BLTP1: variants seen among roughly 807,000 people sequenced by gnomAD.
BLTP1 encodes bridge-like lipid transfer protein family member 1.
the BLTP1 span, chr4:122,238,350 G>T: frequency 3.7e-6 from 6 of 1,612,796 alleles, no homozygotes; most frequent in Non-Finnish European, 5.1e-6. Context: ...GGCCAAGCAA[G>T]GTCAGTATTC....
At chr4:122,304,778 C>T in the BLTP1 span, 1 of 1,606,556 alleles carries the variant, frequency 6.2e-7, no homozygotes, top group Admixed American at 1.7e-5. Context: ...TTTTTTTCCT[C>T]CTAACATATA....
At chr4:122,289,331 TC>T in the BLTP1 span, 26 of 800,882 alleles carry the variant, frequency 3.2e-5, no homozygotes, top group South Asian at 6.7e-4. Context: ...AACTGTGCAT[TC>T]CTTTTATGGC....
At chr4:122,277,390 A>G in the BLTP1 span, 7 of 929,032 alleles carry the variant, frequency 7.5e-6, no homozygotes, top group Non-Finnish European at 9.0e-6. Context: ...ACACTACTTC[A>G]TTATGGCTTC....
At chr4:122,276,435 ATAAT>A in the BLTP1 span, 3 of 975,604 alleles carry the variant, frequency 3.1e-6, no homozygotes, top group Non-Finnish European at 3.7e-6. Flanking sequence ...TCTCAGCCTT[ATAAT>A]TCTGTATTTA....
At chr4:122,285,245 A>C in the BLTP1 span, among the ~76,000 whole-genome samples, 1 of 152,172 alleles carries the variant, frequency 6.6e-6, no homozygotes, top group African/African-American at 2.4e-5. Context: ...ATTGAAATTG[A>C]AGGAAAGGGA....
At chr4:122,284,269 A>G in the BLTP1 span, among the ~76,000 whole-genome samples, 3 of 152,262 alleles carry the variant, frequency 2.0e-5, no homozygotes, top group East Asian at 5.8e-4. Flanking sequence ...AAATAATGAT[A>G]CTTTTGTTTC....
the BLTP1 span, chr4:122,302,176 C>T: frequency 2.0e-6 from 1 of 497,148 alleles, no homozygotes; most frequent in Non-Finnish European, 2.6e-6. Context: ...TGTATTCAAT[C>T]CATTGAATAC....
the BLTP1 span, chr4:122,331,470 A>AGCC: frequency 6.2e-7 from 1 of 1,611,992 alleles, no homozygotes. Flanking sequence ...TACGGGTTGA[A>AGCC]ATTGATAGTG....
chr4:122,346,013 T>A, the BLTP1 span: 1 of 984,904 alleles, frequency 1.0e-6, no homozygotes, highest in Non-Finnish European at 1.2e-6. Context: ...AAGGTTCTGG[T>A]AGACAACTGA....
At chr4:122,271,953 A>C in the BLTP1 span, among the ~76,000 whole-genome samples, 3 of 152,114 alleles carry the variant, frequency 2.0e-5, no homozygotes, top group Non-Finnish European at 4.4e-5. Context: ...ATTTAGACAG[A>C]CCTGATTTAA....
At chr4:122,183,669 CA>C in the BLTP1 span, among the ~76,000 whole-genome samples, 1 of 152,086 alleles carries the variant, frequency 6.6e-6, no homozygotes, top group East Asian at 1.9e-4. Flanking sequence ...TCTTAATCAG[CA>C]AAATGAGAGG....
the BLTP1 span, among the ~76,000 whole-genome samples, chr4:122,337,611 A>G: frequency 6.6e-6 from 1 of 152,008 alleles, no homozygotes; most frequent in South Asian, 2.1e-4. Context: ...AAATAAAAAT[A>G]TTTAAGTTAA....
chr4:122,263,562 C>T, the BLTP1 span: 7 of 1,612,072 alleles, frequency 4.3e-6, no homozygotes, highest in Non-Finnish European at 5.9e-6. Context: ...TTACAAGAAT[C>T]TCCTGTTACA....
At chr4:122,316,128 A>G in the BLTP1 span, among the ~76,000 whole-genome samples, 8 of 152,230 alleles carry the variant, frequency 5.3e-5, no homozygotes, top group African/African-American at 1.9e-4. Context: ...AAGTGCATAT[A>G]CAAAATGAAA....
chr4:122,348,130 G>C, the BLTP1 span, among the ~76,000 whole-genome samples: 2 of 152,120 alleles, frequency 1.3e-5, no homozygotes, highest in Non-Finnish European at 2.9e-5. Context: ...GCAAATGCAG[G>C]ATTCAAGATA....
the BLTP1 span, chr4:122,162,600 C>T: frequency 1.0e-6 from 1 of 985,026 alleles, no homozygotes; most frequent in African/African-American, 1.7e-5. Context: ...GACGAAAGTC[C>T]TCTCATCCAT....
the BLTP1 span, among the ~76,000 whole-genome samples, chr4:122,354,669 C>CTTTTTTTTTTTT: frequency 7.4e-6 from 1 of 135,080 alleles, no homozygotes; most frequent in Non-Finnish European, 1.6e-5. Flanking sequence ...TTTTTCTTTT[C>CTTTTTTTTTTTT]TTTTTTTTTT....
At chr4:122,238,519 TCATA>T in the BLTP1 span, among the ~76,000 whole-genome samples, 1 of 152,218 alleles carries the variant, frequency 6.6e-6, no homozygotes, top group African/African-American at 2.4e-5. Context: ...ATTATAAAAG[TCATA>T]CATACATATA....
the BLTP1 span, chr4:122,350,190 T>C: frequency 6.9e-7 from 1 of 1,445,762 alleles, no homozygotes; most frequent in Non-Finnish European, 9.1e-7. Context: ...CCACAGGCTC[T>C]TTATCTCACT....
Sources: gnomAD v4.1 joint callset for allele counts (sites outside exome capture counted in the v4.1 genomes callset) on GRCh38, gnomAD v4.1.1 for gene constraint, MANE v1.5 for transcripts, NCBI Gene and HGNC (gene_info 2026-07-23, HGNC 2026-07-21) for gene names.